SPEG: variants seen among roughly 807,000 people sequenced by gnomAD.
The protein encoded by SPEG is striated muscle enriched protein kinase.
A neutral mutation model predicts 300.4 loss-of-function variants in SPEG; 114 were observed. The ratio of observed to expected loss-of-function variants is 0.38; its 90% CI spans 0.33 to 0.44. The LOEUF is 0.44. Ranked by LOEUF, SPEG falls within the 20% of genes least tolerant of loss-of-function variation. The pLI, the probability that SPEG is intolerant of heterozygous loss-of-function variation, is 1.00. For synonymous variants in SPEG, 1,964 were observed against 2,018.9 expected, an observed-to-expected ratio of 0.97 and a Z score of 0.73; for missense variants, 4,201 against 4,586.2, an observed-to-expected ratio of 0.92 and a Z score of 2.43.
rs953100061 is a variant in SPEG at position 219,480,410 on chromosome 2, C to T, written c.5343-261C>T. Among the ~76,000 whole-genome samples, 6 of 152,164 alleles carry T rather than the reference C, an allele frequency of 3.9e-5. No homozygotes were observed. The highest frequency in any genetic ancestry group is 8.8e-5 in the Non-Finnish European group (6 of 67,998). ...CCCCTCAGCATTCAGCCTGCCTCCT[C>T]CAGTAAGGCAGGCATGGTCCCATTG... On this transcript the variant is annotated intron_variant, in intron 25 of 40. Transcript: ENST00000312358. The surrounding 1 kb of genome is among the most constrained non-coding windows in gnomAD (Gnocchi z 5.3).
chr2:219,447,442 C>A, intron 3 of SPEG, among the ~76,000 whole-genome samples: 1 of 152,112 alleles, frequency 6.6e-6, no homozygotes. Flanking sequence ...CACTGCCCCC[C>A]AAAAGGCTTG....
chr2:219,492,524 C>A, intron 40 of SPEG, 70 bp from the exon 41 acceptor site: 3 of 1,514,714 alleles, frequency 2.0e-6, no homozygotes, highest in East Asian at 2.3e-5. Context: ...CATGGGTCTG[C>A]GGGAGGACAG....
chr2:219,446,019 G>A (rs1301388283), intron 3 of SPEG, among the ~76,000 whole-genome samples: 1 of 151,858 alleles, frequency 6.6e-6, no homozygotes, highest in Admixed American at 6.6e-5. Flanking sequence ...TAGGGCATTT[G>A]GGGAGCTGAG....
At chr2:219,476,415 C>T (rs889546182) in intron 18 of SPEG, among the ~76,000 whole-genome samples, 13 of 152,270 alleles carry the variant, frequency 8.5e-5, no homozygotes, top group Middle Eastern at 3.4e-3. Context: ...CAGCGGGTGG[C>T]CCTGTGAAGA....
Position 219,461,983 on chromosome 2 carries a change from C to T in SPEG, c.2542C>T (p.Pro848Ser). The change falls in exon 7 of 41, where the codon CCC becomes TCC. Residue 848 changes from proline to serine, a missense_variant. Physicochemically the swap from Pro to Ser is moderately conservative, Grantham distance 74. Transcript: ENST00000312358. ...PEPGETWPRT[P>S]TMKPSPSQNR... is the part of the protein sequence containing the mutation. ...GCCTGGGGAGACCTGGCCGCGAACC[C>T]CCACCATGAAGCCCAGTCCCAGCCA... 1 of 1,613,686 alleles carries T rather than the reference C, an allele frequency of 6.2e-7. No homozygotes were observed.
Position 219,451,824 on chromosome 2 carries a change from C to T in SPEG, c.2440+17C>T. 1.3e-6 allele frequency: 2 copies of T among 1,511,916 alleles called. No individual in the cohort carries two copies. Among genetic ancestry groups the T allele is most frequent in the Non-Finnish European group, 1.8e-6 (2 of 1,123,894 alleles). 93.7% of individuals were successfully genotyped at this position (1,511,916 alleles called of 1,614,324 possible). On this transcript the variant is annotated intron_variant, in intron 6 of 40. Coordinates refer to ENST00000312358, the MANE Select transcript of SPEG (RefSeq NM_005876.5). The surrounding 1 kb of genome is among the most constrained non-coding windows in gnomAD (Gnocchi z 6.4). The stretch of plus-strand genomic sequence containing the variant: ...TGAGACCCGGTAGGGAGCCCATCAA[C>T]CCTGGGGCTGGGTGGGGGCAAGCCG...
At chr2:219,488,469 C>G (rs1208873869) in intron 32 of SPEG, 29 bp from the exon 33 acceptor site, 1 of 1,547,124 alleles carries the variant, frequency 6.5e-7, no homozygotes, top group South Asian at 1.2e-5. Flanking sequence ...CCTCACTCAG[C>G]AGCAACTCCT....
At position 219,448,650 on chromosome 2, in the gene SPEG, C is replaced by CTGGGCCGCA; in HGVS notation, c.1494_1502dup (p.Arg500_Ile501insMetGlyArg). 1 of 1,491,816 alleles carries CTGGGCCGCA rather than the reference C, an allele frequency of 6.7e-7. No individual in the cohort carries two copies. Among genetic ancestry groups the CTGGGCCGCA allele is most frequent in the Non-Finnish European group, 8.9e-7 (1 of 1,128,984 alleles). The allele number at this position is 1,491,816 out of a possible 1,614,324, so 92.4% of individuals were successfully genotyped here. Reference sequence around the variant, plus strand: ...CCTCGAGCTGCGCTTCGCCCAGGAGCTGGGCCGCATCCGCCGCTCCACGTC... The same window carrying CTGGGCCGCA: ...CCTCGAGCTGCGCTTCGCCCAGGAGCTGGGCCGCATGGGCCGCATCCGCCGCTCCACGTC... On this transcript the variant is annotated inframe_insertion, in exon 4 of 41. Coordinates refer to ENST00000312358, the MANE Select transcript of SPEG (RefSeq NM_005876.5).
intron 8 of SPEG, among the ~76,000 whole-genome samples, chr2:219,463,453 G>A (rs1315032284): frequency 3.8e-5 from 4 of 105,372 alleles, no homozygotes; most frequent in Admixed American, 1.5e-4. Flanking sequence ...ACTCTTTGTC[G>A]CCCAGGCTGG....
At chr2:219,469,116 G>T in intron 12 of SPEG, 40 bp from the exon 13 acceptor site, 1 of 1,609,996 alleles carries the variant, frequency 6.2e-7, no homozygotes, top group South Asian at 1.1e-5. Context: ...GGGGTGGGAG[G>T]CACGGCCCTG....
chr2:219,435,241 C>T lies in SPEG; in HGVS notation c.264C>T (p.Pro88=), dbSNP rs911436001. 56 of 1,479,324 alleles carry T rather than the reference C, an allele frequency of 3.8e-5. No individual in the cohort carries two copies. Among genetic ancestry groups the T allele is most frequent in the Non-Finnish European group, 4.7e-5 (53 of 1,125,058 alleles). 91.6% of individuals were successfully genotyped at this position (1,479,324 alleles called of 1,614,324 possible). A position where few individuals can be genotyped will look rare whatever the true frequency, so the allele number is the denominator to read the frequency against. Residue 88 remains proline, a synonymous_variant, in exon 1 of 41, where the codon CCC becomes CCT. Coordinates refer to ENST00000312358, the MANE Select transcript of SPEG (RefSeq NM_005876.5). ...GGCAGCTCCTGCCCGCGCCGGCCCC[C>T]GAGCCCAGCTGCCTGTGGCTGCGGC... ...RDGQLLPAPA[P]EPSCLWLRRC...
intron 1 of SPEG, chr2:219,442,967 G>A: frequency 1.4e-6 from 1 of 703,986 alleles, no homozygotes; most frequent in Non-Finnish European, 2.5e-6. Flanking sequence ...GGTCACTCTG[G>A]GTCTCTGCCC....
chr2:219,484,322 C>T lies in SPEG; in HGVS notation c.6859C>T (p.Pro2287Ser). ...CTTTGCCAGGGTGGCCTCCCCACCT[C>T]CGGGAGCCCCCGAGAAGCGCGTGCC... Reference protein sequence around the residue: ...AVFARVASPPPGAPEKRVPSA... With the variant: ...AVFARVASPPSGAPEKRVPSA... The change falls in exon 30 of 41, where the codon CCG becomes TCG. Residue 2287 changes from proline (P) to serine (S), a missense_variant. By Grantham distance (74) the Pro-to-Ser change is moderately conservative. This residue lies in a region of SPEG where 1,578 missense variants were observed against 1,506.0 expected (regional missense o/e 1.05). Transcript: ENST00000312358. 6.2e-7 allele frequency: 1 copy of T among 1,604,008 alleles called. No homozygotes were observed. Among genetic ancestry groups the T allele is most frequent in the Non-Finnish European group, 8.5e-7 (1 of 1,178,542 alleles).
chr2:219,458,742 C>G lies in SPEG; in HGVS notation c.2441-3140C>G, dbSNP rs1354366172. 6.6e-6 allele frequency among the ~76,000 whole-genome samples: 1 copy of G among 152,162 alleles called. No homozygotes were observed. Among genetic ancestry groups the G allele is most frequent in the Non-Finnish European group, 1.5e-5 (1 of 68,034 alleles). On this transcript the variant is annotated intron_variant, in intron 6 of 40. Coordinates refer to ENST00000312358, the MANE Select transcript of SPEG (RefSeq NM_005876.5). This position sits in a 1 kb window ranked among gnomAD's most constrained non-coding sequence, Gnocchi z 4.2. ...TCCTCCCATAAAGATCAGCAGTGGT[C>G]CCTAAGCTTTCATGTGCCTAAGAGT...
intron 1 of SPEG, among the ~76,000 whole-genome samples, chr2:219,440,120 T>C (rs1954820218): frequency 6.6e-6 from 1 of 152,202 alleles, no homozygotes; most frequent in African/African-American, 2.4e-5. Flanking sequence ...CGGTGGCTCA[T>C]GCCTATCATC....
intron 1 of SPEG, among the ~76,000 whole-genome samples, chr2:219,440,568 T>TATTTATTC (rs202040174): frequency 9.5e-5 from 10 of 105,366 alleles, no homozygotes; most frequent in African/African-American, 3.5e-4. Flanking sequence ...TTATTTTATT[T>TATTTATTC]ATTTATTTAT....
chr2:219,453,008 T>TCCTCCTACC (rs1212877312), intron 6 of SPEG, among the ~76,000 whole-genome samples: 1 of 152,184 alleles, frequency 6.6e-6, no homozygotes, highest in African/African-American at 2.4e-5. Context: ...GGCTTTCTCC[T>TCCTCCTACC]CCTCCTACCC....
rs1358749184 is a variant in SPEG at position 219,464,452 on chromosome 2, G to A, written c.2725G>A (p.Val909Met). 1.6e-5 allele frequency: 26 copies of A among 1,611,658 alleles called. No individual in the cohort carries two copies. Among genetic ancestry groups the A allele is most frequent in the Middle Eastern group, 1.6e-4 (1 of 6,066 alleles). ...TGACAGGCTGAGAAACCGCCAGCCC[G>A]TGCGCCCAGACCAGCGGCGCTTTGC... Reference protein sequence around the residue: ...VVSWLRNRQPVRPDQRRFAEE... With the variant: ...VVSWLRNRQPMRPDQRRFAEE... The change falls in exon 9 of 41, where the codon GTG becomes ATG. Residue 909 changes from valine to methionine, a missense_variant. By Grantham distance (21) the Val-to-Met change is conservative (BLOSUM62 1). Around this residue, in one of 4 missense-constraint regions of SPEG, gnomAD observed 1,047 missense variants for 1,356.8 expected, o/e 0.77. Transcript: ENST00000312358. The surrounding 1 kb of genome is among the most constrained non-coding windows in gnomAD (Gnocchi z 4.5).
Position 219,483,729 on chromosome 2 carries a change from G to T in SPEG, c.6266G>T (p.Gly2089Val). ...GATGGCAAGGTCAGCGGCCTCAGGG[G>T]TCCCCTGCTGGAGAGCCTGGGGGGC... ...PEDGKVSGLR[G>V]PLLESLGGRA... The change falls in exon 30 of 41, where the codon GGT becomes GTT. Residue 2089 changes from glycine (G) to valine (V), a missense_variant. Around this residue, in one of 4 missense-constraint regions of SPEG, gnomAD observed 1,578 missense variants for 1,506.0 expected, o/e 1.05. Coordinates refer to ENST00000312358, the MANE Select transcript of SPEG (RefSeq NM_005876.5). 6.5e-7 allele frequency: 1 copy of T among 1,536,442 alleles called. No individual in the cohort carries two copies. Among genetic ancestry groups the T allele is most frequent in the Non-Finnish European group, 8.7e-7 (1 of 1,147,884 alleles).
Sources: gnomAD v4.1 joint callset for allele counts (sites outside exome capture counted in the v4.1 genomes callset) on GRCh38, gnomAD v4.1.1 for gene constraint, gnomAD v4.1.1 regional missense constraint, Gnocchi (gnomAD v3.1) non-coding constraint, MANE v1.5 for transcripts, NCBI Gene and HGNC (gene_info 2026-07-23, HGNC 2026-07-21) for gene names.